PAK5: variants seen among roughly 807,000 people sequenced by gnomAD.
PAK5 encodes p21 (RAC1) activated kinase 5.
Under a neutral mutation model 65.9 loss-of-function variants are expected in PAK5, and 16 were observed. The observed-to-expected ratio is 0.24, with a 90% CI of 0.16 to 0.37. PAK5 has a LOEUF of 0.37. Ranked by LOEUF, PAK5 falls within the 10% of genes least tolerant of loss-of-function variation. The pLI is 1.00. For missense variants in PAK5, 785 were observed against 903.9 expected (o/e 0.87, Z 1.69); for synonymous variants, 371 against 354.9 (o/e 1.05, Z -0.51).
chr20:9,730,796 T>G (rs1457898278), intron 1 of PAK5, among the ~76,000 whole-genome samples: 4 of 152,256 alleles, frequency 2.6e-5, no homozygotes, highest in African/African-American at 9.6e-5. Flanking sequence ...AATTCTTGTA[T>G]GCTGGTTTGC....
intron 2 of PAK5, among the ~76,000 whole-genome samples, chr20:9,682,554 C>A (rs2206477): frequency 0.29 from 43,950 of 151,776 alleles, 6,667 homozygotes; most frequent in African/African-American, 0.38. Context: ...AAGGTTGCAG[C>A]ACTGAAGTGA....
chr20:9,653,484 T>C (rs1174567658), intron 2 of PAK5, among the ~76,000 whole-genome samples: 1 of 152,232 alleles, frequency 6.6e-6, no homozygotes, highest in East Asian at 1.9e-4. Context: ...TCCTACTTGC[T>C]CTGTTTCTTT....
chr20:9,630,826 A>G (rs1021583322), intron 3 of PAK5, among the ~76,000 whole-genome samples: 4 of 152,104 alleles, frequency 2.6e-5, no homozygotes, highest in Non-Finnish European at 4.4e-5. Flanking sequence ...CGGACCAGTA[A>G]TTCCCTTTTT....
intron 3 of PAK5, among the ~76,000 whole-genome samples, chr20:9,601,664 C>T (rs1337540104): frequency 2.0e-5 from 3 of 152,146 alleles, no homozygotes; most frequent in Admixed American, 6.5e-5. Context: ...GACCCACTGA[C>T]TTTGAACTTG....
intron 3 of PAK5, among the ~76,000 whole-genome samples, chr20:9,598,476 G>C (rs537468287): frequency 2.6e-5 from 4 of 152,178 alleles, no homozygotes; most frequent in Admixed American, 1.3e-4. Context: ...TATATACCTA[G>C]TAATGGGATT....
chr20:9,673,446 G>C (rs1334447927), intron 2 of PAK5, among the ~76,000 whole-genome samples: 1 of 152,144 alleles, frequency 6.6e-6, no homozygotes, highest in African/African-American at 2.4e-5. Context: ...CTGGAAATGT[G>C]GCTGCTGAGA....
chr20:9,628,778 T>A (rs6056764), intron 3 of PAK5, among the ~76,000 whole-genome samples: 1 of 152,064 alleles, frequency 6.6e-6, no homozygotes, highest in African/African-American at 2.4e-5. Flanking sequence ...CATGCTGAAG[T>A]TTCCCTGAGT....
At chr20:9,723,637 C>A (rs2048242666) in intron 1 of PAK5, among the ~76,000 whole-genome samples, 1 of 152,272 alleles carries the variant, frequency 6.6e-6, no homozygotes, top group South Asian at 2.1e-4. Flanking sequence ...TCGAACTGTT[C>A]TTGCATCTCT....
intron 2 of PAK5, among the ~76,000 whole-genome samples, chr20:9,673,735 A>G (rs573185981): frequency 1.3e-5 from 2 of 152,242 alleles, no homozygotes; most frequent in East Asian, 1.9e-4. Context: ...GTCCATCAGT[A>G]TACTGTATTA....
At chr20:9,659,135 G>A (rs886082247) in intron 2 of PAK5, among the ~76,000 whole-genome samples, 1 of 152,132 alleles carries the variant, frequency 6.6e-6, no homozygotes, top group African/African-American at 2.4e-5. Flanking sequence ...TGTATTGTGG[G>A]TGTGTGTGCA....
At chr20:9,690,905 C>G (rs1190232916) in intron 2 of PAK5, among the ~76,000 whole-genome samples, 2 of 151,982 alleles carry the variant, frequency 1.3e-5, no homozygotes, top group African/African-American at 2.4e-5. Context: ...AGGTACCCAC[C>G]ACCATGCCCA....
At chr20:9,728,074 TA>T (rs1416105024) in intron 1 of PAK5, among the ~76,000 whole-genome samples, 1 of 152,072 alleles carries the variant, frequency 6.6e-6, no homozygotes, top group African/African-American at 2.4e-5. Flanking sequence ...GTGATAATAT[TA>T]ACAAGTGGGG....
At chr20:9,561,807 C>A (rs930603743) in intron 6 of PAK5, among the ~76,000 whole-genome samples, 1 of 152,148 alleles carries the variant, frequency 6.6e-6, no homozygotes, top group Non-Finnish European at 1.5e-5. Context: ...CCATCAAAAC[C>A]AAAGTTAAAG....
chr20:9,558,107 A>G (rs2045539240), intron 6 of PAK5, among the ~76,000 whole-genome samples: 1 of 149,546 alleles, frequency 6.7e-6, no homozygotes, highest in African/African-American at 2.5e-5. Flanking sequence ...CCCAGGCTGG[A>G]GTGCAGTCTT....
At chr20:9,587,783 T>G (rs1049782623) in intron 3 of PAK5, among the ~76,000 whole-genome samples, 20 of 152,132 alleles carry the variant, frequency 1.3e-4, no homozygotes, top group Admixed American at 1.2e-3. Flanking sequence ...TTCTAGATCT[T>G]CTACAATCAG....
At chr20:9,579,733 T>C (rs546854378) in intron 4 of PAK5, among the ~76,000 whole-genome samples, 2 of 152,312 alleles carry the variant, frequency 1.3e-5, no homozygotes, top group African/African-American at 4.8e-5. Context: ...TTTTAGCAGG[T>C]CTATGCAAAC....
At chr20:9,562,842 GAGA>G (rs769049719) in intron 6 of PAK5, 46 bp downstream of exon 6, 1 of 1,564,994 alleles carries the variant, frequency 6.4e-7, no homozygotes, top group South Asian at 1.1e-5. Context: ...CTTTATCCTG[GAGA>G]AGAATAAGAA....
intron 3 of PAK5, among the ~76,000 whole-genome samples, chr20:9,619,134 C>T (rs1014966132): frequency 1.3e-5 from 2 of 151,250 alleles, no homozygotes; most frequent in Non-Finnish European, 2.9e-5. Context: ...TGTTGCCCAG[C>T]CTGGTCTGGA....
chr20:9,794,263 C>G (rs1385689422), intron 1 of PAK5, among the ~76,000 whole-genome samples: 1 of 151,940 alleles, frequency 6.6e-6, no homozygotes, highest in Non-Finnish European at 1.5e-5. Flanking sequence ...TTGATAGGTA[C>G]AGCAAACCAC....
Sources: gnomAD v4.1 joint callset for allele counts (sites outside exome capture counted in the v4.1 genomes callset) on GRCh38, gnomAD v4.1.1 for gene constraint, MANE v1.5 for transcripts, NCBI Gene and HGNC (gene_info 2026-07-23, HGNC 2026-07-21) for gene names.